TCF4: variants seen among roughly 807,000 people sequenced by gnomAD.
TCF4 encodes the protein SL3-3 enhancer factor 2.
In TCF4, 3 loss-of-function variants were observed where a neutral mutation model predicts 82.1. The observed-to-expected ratio is 0.04, with a 90% CI of 0.02 to 0.09. The LOEUF is 0.09. TCF4 is among the 10% of genes least tolerant of loss of function. The pLI, the probability that TCF4 is intolerant of heterozygous loss-of-function variation, is 1.00. For synonymous variants in TCF4, 276 were observed against 309.6 expected (o/e 0.89, Z 1.14); for missense variants, 518 against 852.7 (o/e 0.61, Z 4.89).
chr18:55,252,715 T>C (rs1373774680), intron 15 of TCF4, among the ~76,000 whole-genome samples: 1 of 152,214 alleles, frequency 6.6e-6, no homozygotes, highest in East Asian at 1.9e-4. Context: ...TACATCCGTT[T>C]AACATATGCA....
intron 3 of TCF4, among the ~76,000 whole-genome samples, chr18:55,524,850 G>A (rs1255043763): frequency 6.6e-6 from 1 of 152,118 alleles, no homozygotes; most frequent in East Asian, 1.9e-4. Flanking sequence ...CCAAAGAACT[G>A]GGAACAATGG....
intron 5 of TCF4, among the ~76,000 whole-genome samples, chr18:55,414,583 C>G (rs970994757): frequency 2.0e-5 from 3 of 152,106 alleles, no homozygotes; most frequent in Non-Finnish European, 4.4e-5. Context: ...TTTGATGGAG[C>G]CTTGTCAACA....
intron 10 of TCF4, among the ~76,000 whole-genome samples, chr18:55,275,280 A>G (rs1187882771): frequency 8.0e-5 from 12 of 150,060 alleles, no homozygotes; most frequent in Admixed American, 4.0e-4. Flanking sequence ...AGATAGAAAA[A>G]AAAAAAAAAA....
At chr18:55,506,651 C>G (rs1032494793) in intron 3 of TCF4, among the ~76,000 whole-genome samples, 4 of 152,098 alleles carry the variant, frequency 2.6e-5, no homozygotes, top group African/African-American at 9.7e-5. Context: ...AGTACTCACT[C>G]TAAGAGAGGG....
chr18:55,632,184 G>A (rs1213600341), intron 1 of TCF4, among the ~76,000 whole-genome samples: 3 of 152,038 alleles, frequency 2.0e-5, no homozygotes, highest in South Asian at 2.1e-4. Context: ...GACTACAGGC[G>A]CCTGCAACCA....
At chr18:55,518,746 T>C (rs887508647) in intron 3 of TCF4, among the ~76,000 whole-genome samples, 1 of 152,116 alleles carries the variant, frequency 6.6e-6, no homozygotes, top group Non-Finnish European at 1.5e-5. Flanking sequence ...TTTTAAAAAG[T>C]CATTGGAGGA....
intron 3 of TCF4, among the ~76,000 whole-genome samples, chr18:55,562,768 T>A (rs1056257255): frequency 7.9e-5 from 12 of 152,318 alleles, no homozygotes; most frequent in African/African-American, 2.9e-4. Context: ...CTTAAAAAAA[T>A]AAACAACTTA....
intron 2 of TCF4, among the ~76,000 whole-genome samples, chr18:55,593,704 G>T (rs1221435847): frequency 6.6e-6 from 1 of 152,092 alleles, no homozygotes; most frequent in South Asian, 2.1e-4. Context: ...AGCAAATAGC[G>T]CCACAAACAA....
At chr18:55,470,437 T>A (rs1273193957) in intron 3 of TCF4, among the ~76,000 whole-genome samples, 5 of 152,242 alleles carry the variant, frequency 3.3e-5, no homozygotes, top group Non-Finnish European at 5.9e-5. Flanking sequence ...AAGAATTCAG[T>A]AAGCATTAGA....
At chr18:55,611,627 G>A (rs968928680) in intron 2 of TCF4, among the ~76,000 whole-genome samples, 10 of 151,986 alleles carry the variant, frequency 6.6e-5, no homozygotes, top group Non-Finnish European at 1.2e-4. Flanking sequence ...TACAAGACAC[G>A]TGTATAATTT....
At chr18:55,319,091 A>T (rs2074864185) in intron 8 of TCF4, among the ~76,000 whole-genome samples, 1 of 152,248 alleles carries the variant, frequency 6.6e-6, no homozygotes, top group Non-Finnish European at 1.5e-5. Flanking sequence ...CTTGTGCAAC[A>T]AATAGCTGAC....
intron 4 of TCF4, among the ~76,000 whole-genome samples, chr18:55,463,326 G>T (rs1291623112): frequency 6.6e-6 from 1 of 152,092 alleles, no homozygotes; most frequent in Non-Finnish European, 1.5e-5. Flanking sequence ...AAGAAAATGA[G>T]GACCCAAGAG....
intron 8 of TCF4, chr18:55,302,430 C>G (rs1251282652): frequency 6.5e-7 from 1 of 1,536,196 alleles, no homozygotes; most frequent in African/African-American, 1.4e-5. Flanking sequence ...GCTTTCCCTT[C>G]GTGGTCCAGG....
chr18:55,505,433 C>T (rs2096744032), intron 3 of TCF4, among the ~76,000 whole-genome samples: 1 of 151,964 alleles, frequency 6.6e-6, no homozygotes, highest in South Asian at 2.1e-4. Flanking sequence ...AAGTAATTTA[C>T]AAGAAATAAC....
chr18:55,328,734 A>G (rs1009235920), intron 8 of TCF4, among the ~76,000 whole-genome samples: 1 of 152,192 alleles, frequency 6.6e-6, no homozygotes, highest in Non-Finnish European at 1.5e-5. Flanking sequence ...CAAAAAATGG[A>G]TGGATGAAGC....
chr18:55,326,713 G>C (rs2076628551), intron 8 of TCF4, among the ~76,000 whole-genome samples: 1 of 152,152 alleles, frequency 6.6e-6, no homozygotes. Context: ...TTGAAAAAAG[G>C]AGTATAGTTT....
At position 55,527,372 on chromosome 18, in the gene TCF4, C is replaced by T. The variant is rs1223708751; in HGVS notation, c.145+57908G>A. ...GTCCTGTGATAAAATCCACCCATTA[C>T]TGTTTCCTCTCCAGAAAGAAAAATA... On this transcript the variant is annotated intron_variant, in intron 3 of 19. Coordinates refer to ENST00000354452, the MANE Select transcript of TCF4 (RefSeq NM_001083962.2). Among the ~76,000 whole-genome samples, 5 of 152,208 alleles carry T rather than the reference C, an allele frequency of 3.3e-5. No individual in the cohort carries two copies. In the South Asian group the frequency reaches 6.2e-4, roughly 19 times the overall value.
At chr18:55,328,848 T>C (rs558930645) in intron 8 of TCF4, among the ~76,000 whole-genome samples, 1 of 152,340 alleles carries the variant, frequency 6.6e-6, no homozygotes, top group African/African-American at 2.4e-5. Flanking sequence ...AATGTGATTA[T>C]TACAATGAAA....
intron 3 of TCF4, among the ~76,000 whole-genome samples, chr18:55,484,121 T>C (rs1186873058): frequency 6.6e-6 from 1 of 152,196 alleles, no homozygotes; most frequent in Non-Finnish European, 1.5e-5. Flanking sequence ...TCTTATGTTA[T>C]GAGAGAGAAG....
Sources: gnomAD v4.1 joint callset for allele counts (sites outside exome capture counted in the v4.1 genomes callset) on GRCh38, gnomAD v4.1.1 for gene constraint, MANE v1.5 for transcripts, NCBI Gene and HGNC (gene_info 2026-07-23, HGNC 2026-07-21) for gene names.